PCCA: variants seen among roughly 807,000 people sequenced by gnomAD.
PCCA encodes propionyl-CoA carboxylase alpha chain, mitochondrial.
In PCCA, 74 loss-of-function variants were observed where a neutral mutation model predicts 101.3. The ratio of observed to expected loss-of-function variants is 0.73; its 90% CI spans 0.61 to 0.89. PCCA has a LOEUF of 0.89. Among genes scored for constraint, PCCA ranks in the 40% least tolerant of loss-of-function variants. The pLI is 0.00. For missense variants in PCCA, 891 were observed against 907.0 expected (o/e 0.98, Z 0.23); for synonymous variants, 294 against 313.6 (o/e 0.94, Z 0.66).
chr13:100,337,121 C>T (rs9518056), intron 17 of PCCA, among the ~76,000 whole-genome samples: 71,750 of 151,854 alleles, frequency 0.47, 17,030 homozygotes, highest in Middle Eastern at 0.54. Context: ...AAATACTTAC[C>T]GCGCCCCCAA....
intron 19 of PCCA, among the ~76,000 whole-genome samples, chr13:100,406,922 A>C (rs2077717634): frequency 6.6e-6 from 1 of 152,170 alleles, no homozygotes; most frequent in South Asian, 2.1e-4. Context: ...ACAATCTTCA[A>C]AGTTATTAGA....
At chr13:100,501,798 C>T (rs1339835143) in intron 21 of PCCA, among the ~76,000 whole-genome samples, 2 of 152,054 alleles carry the variant, frequency 1.3e-5, no homozygotes, top group African/African-American at 2.4e-5. Context: ...CACTTGAACC[C>T]GGGTGGCGGA....
intron 4 of PCCA, among the ~76,000 whole-genome samples, chr13:100,141,287 T>C (rs1281396668): frequency 6.6e-6 from 1 of 152,260 alleles, no homozygotes; most frequent in Admixed American, 6.5e-5. Flanking sequence ...ATTTCGAATG[T>C]ACTCTTTCTC....
Position 100,516,762 on chromosome 13 carries a change from A to G in PCCA, c.2040+1195A>G, listed in dbSNP as rs59949870. Among the ~76,000 whole-genome samples the G allele has an allele frequency of 5.2e-3, 564 of 109,242 alleles. 3 individuals carry two copies. The highest frequency in any genetic ancestry group is 0.012 in the African/African-American group (329 of 27,524). 71.7% of individuals were successfully genotyped at this position (109,242 alleles called of 152,430 possible). A position where few individuals can be genotyped will look rare whatever the true frequency, so the allele number is the denominator to read the frequency against. ...GTGTGTGTGTGTGTGTGTGTGTGTAATGTGTGTAAAATTCAGGGGAGGACA... is the reference window on the plus strand; with the variant it reads ...GTGTGTGTGTGTGTGTGTGTGTGTAGTGTGTGTAAAATTCAGGGGAGGACA... On this transcript the variant is annotated intron_variant, in intron 22 of 23. Coordinates refer to ENST00000376285, the MANE Select transcript of PCCA (RefSeq NM_000282.4).
At chr13:100,334,081 G>A (rs1455769950) in intron 17 of PCCA, among the ~76,000 whole-genome samples, 1 of 152,100 alleles carries the variant, frequency 6.6e-6, no homozygotes, top group African/African-American at 2.4e-5. Context: ...TATCTTGACA[G>A]AAGAGAAACA....
At chr13:100,227,872 T>C (rs2060236197) in intron 7 of PCCA, among the ~76,000 whole-genome samples, 1 of 152,222 alleles carries the variant, frequency 6.6e-6, no homozygotes, top group African/African-American at 2.4e-5. Flanking sequence ...TTTTTAATTT[T>C]TTTGTGTACT....
In PCCA at chr13:100,340,147, T is replaced by A. The variant is rs2071083617; in HGVS notation, c.1541-10T>A. 5.6e-6 allele frequency: 8 copies of A among 1,418,808 alleles called. No homozygotes were observed. The highest frequency in any genetic ancestry group is 8.0e-6 in the Non-Finnish European group (8 of 1,001,520). The allele number at this position is 1,418,808 out of a possible 1,614,324, so 87.9% of individuals were successfully genotyped here. A position where few individuals can be genotyped will look rare whatever the true frequency, so the allele number is the denominator to read the frequency against. On this transcript the variant is annotated splice_polypyrimidine_tract_variant and intron_variant, in intron 17 of 23. Coordinates refer to ENST00000376285, the MANE Select transcript of PCCA (RefSeq NM_000282.4). The stretch of plus-strand genomic sequence containing the variant: ...ATTGATTGATTGATTGGTTGATTGA[T>A]TTCCCTCAGGACACATGCTAACCAA...
chr13:100,166,932 G>A (rs1323285703), intron 6 of PCCA, among the ~76,000 whole-genome samples: 1 of 152,146 alleles, frequency 6.6e-6, no homozygotes, highest in Non-Finnish European at 1.5e-5. Flanking sequence ...GTTATACTAT[G>A]TAGTGATGTC....
intron 21 of PCCA, among the ~76,000 whole-genome samples, chr13:100,479,155 G>A (rs1566418068): frequency 6.6e-6 from 1 of 152,170 alleles, no homozygotes; most frequent in African/African-American, 2.4e-5. Context: ...AAAAGGTCAT[G>A]TTATCCATTC....
chr13:100,236,401 A>G (rs1026961764), intron 8 of PCCA: 2 of 154,944 alleles, frequency 1.3e-5, no homozygotes, highest in African/African-American at 4.8e-5. Context: ...TGGCTGTTTT[A>G]CATGTACTTG....
chr13:100,261,770 T>A (rs1269074387), intron 9 of PCCA, among the ~76,000 whole-genome samples: 1 of 152,250 alleles, frequency 6.6e-6, no homozygotes, highest in Non-Finnish European at 1.5e-5. Context: ...ACTATACTTT[T>A]ATAATTACTA....
chr13:100,206,281 T>C (rs558747739), intron 6 of PCCA, among the ~76,000 whole-genome samples: 10 of 152,280 alleles, frequency 6.6e-5, no homozygotes, highest in East Asian at 5.8e-4. Flanking sequence ...CTCTTTTTTT[T>C]CTGGAGACAG....
rs779425877 is a variant in PCCA, at chr13:100,282,479, G to A, written c.1065+9133G>A. Among the ~76,000 whole-genome samples the A allele has an allele frequency of 5.9e-5, 9 of 152,324 alleles. No homozygotes were observed. The South Asian group carries it at 6.2e-4, about 11-fold the overall frequency. On this transcript the variant is annotated intron_variant, in intron 12 of 23. Coordinates refer to ENST00000376285, the MANE Select transcript of PCCA (RefSeq NM_000282.4). ...GCAAGCTGGAACTGGGGCTGCGCTCGGCACTTGCGGGCCAGCTGGAGTTCC... is the reference window on the plus strand; with the variant it reads ...GCAAGCTGGAACTGGGGCTGCGCTCAGCACTTGCGGGCCAGCTGGAGTTCC...
At chr13:100,501,653 C>A (rs1385344263) in intron 21 of PCCA, among the ~76,000 whole-genome samples, 1 of 152,144 alleles carries the variant, frequency 6.6e-6, no homozygotes, top group Non-Finnish European at 1.5e-5. Context: ...GCGGGTGGCT[C>A]ACGAGGTCAG....
At chr13:100,418,527 T>C (rs907576385) in intron 19 of PCCA, among the ~76,000 whole-genome samples, 1 of 152,182 alleles carries the variant, frequency 6.6e-6, no homozygotes, top group Non-Finnish European at 1.5e-5. Flanking sequence ...CTCTAATTCA[T>C]TGTCCAAGCT....
At chr13:100,147,230 A>G (rs183201774) in intron 4 of PCCA, among the ~76,000 whole-genome samples, 5 of 152,328 alleles carry the variant, frequency 3.3e-5, no homozygotes, top group African/African-American at 1.2e-4. Flanking sequence ...GGGGCAGGGA[A>G]TAATGGTTAT....
At chr13:100,116,928 C>G (rs2048851651) in intron 4 of PCCA, among the ~76,000 whole-genome samples, 1 of 152,118 alleles carries the variant, frequency 6.6e-6, no homozygotes, top group Admixed American at 6.5e-5. Flanking sequence ...TGTGCAAAAA[C>G]AGCCCTTGGA....
chr13:100,133,637 A>G (rs1446553468), intron 4 of PCCA, among the ~76,000 whole-genome samples: 1 of 152,112 alleles, frequency 6.6e-6, no homozygotes, highest in Non-Finnish European at 1.5e-5. Context: ...TTCATTGAAA[A>G]TAGTATTTCT....
At chr13:100,094,893 T>G (rs1223849292) in intron 1 of PCCA, among the ~76,000 whole-genome samples, 1 of 152,178 alleles carries the variant, frequency 6.6e-6, no homozygotes, top group Non-Finnish European at 1.5e-5. Context: ...TGCCCTCTCT[T>G]TGGTATTATT....
Sources: allele counts gnomAD v4.1 joint callset (sites outside exome capture counted in the v4.1 genomes callset), GRCh38; gene constraint gnomAD v4.1.1; transcripts MANE v1.5; gene names NCBI Gene and HGNC (gene_info 2026-07-23, HGNC 2026-07-21).